EYS: variants seen among roughly 807,000 people sequenced by gnomAD.
EYS encodes EGF-like photoreceptor maintenance factor, also known as protein eyes shut homolog.
In EYS, 250 loss-of-function variants were observed where a neutral mutation model predicts 282.1. The observed-to-expected ratio is 0.89, with a 90% CI of 0.80 to 0.98. The LOEUF is 0.98. Ranked by LOEUF, EYS falls within the 50% of genes least tolerant of loss-of-function variation. The probability of loss-of-function intolerance (pLI) is 0.00; values close to 1 mark genes in which losing one functional copy is unlikely to be tolerated. For missense variants in EYS, 4,016 were observed against 3,709.0 expected, an observed-to-expected ratio of 1.08 and a Z score of -2.15; for synonymous variants, 1,355 against 1,282.9, an observed-to-expected ratio of 1.06 and a Z score of -1.20.
chr6:65,260,289 G>T (rs1247931640), intron 12 of EYS, among the ~76,000 whole-genome samples: 1 of 151,976 alleles, frequency 6.6e-6, no homozygotes, highest in Admixed American at 6.6e-5. Context: ...GGAATTATAA[G>T]AATTATAATT....
intron 35 of EYS, among the ~76,000 whole-genome samples, chr6:63,885,361 A>G (rs1308304146): frequency 6.6e-6 from 1 of 152,174 alleles, no homozygotes; most frequent in Non-Finnish European, 1.5e-5. Flanking sequence ...GCTTCATTTT[A>G]GGAAGAGAAC....
chr6:64,763,853 C>T (rs1202619552), intron 22 of EYS, among the ~76,000 whole-genome samples: 1 of 152,150 alleles, frequency 6.6e-6, no homozygotes, highest in Non-Finnish European at 1.5e-5. Context: ...GCTACAGGCC[C>T]ACCAAGTCCA....
At chr6:65,006,640 G>A (rs1771674062) in intron 13 of EYS, among the ~76,000 whole-genome samples, 2 of 152,176 alleles carry the variant, frequency 1.3e-5, no homozygotes, top group South Asian at 2.1e-4. Flanking sequence ...TCCTAATGGG[G>A]GATTTAAATC....
intron 21 of EYS, among the ~76,000 whole-genome samples, chr6:64,817,290 G>A (rs1157329687): frequency 6.6e-6 from 1 of 152,048 alleles, no homozygotes; most frequent in Non-Finnish European, 1.5e-5. Context: ...AGAACCTTTA[G>A]AGTCTGTGTT....
At chr6:65,416,398 A>C (rs1018744706) in intron 5 of EYS, among the ~76,000 whole-genome samples, 5 of 151,924 alleles carry the variant, frequency 3.3e-5, no homozygotes, top group Non-Finnish European at 7.4e-5. Flanking sequence ...ATCTCAAAAA[A>C]GTCTCTATCT....
intron 33 of EYS, among the ~76,000 whole-genome samples, chr6:64,007,821 T>G (rs947368590): frequency 1.3e-5 from 2 of 152,244 alleles, no homozygotes; most frequent in African/African-American, 4.8e-5. Context: ...TAGCATTGAT[T>G]TCTATTTTTA....
intron 24 of EYS, among the ~76,000 whole-genome samples, chr6:64,615,231 A>G (rs1767237487): frequency 6.6e-6 from 1 of 152,016 alleles, no homozygotes; most frequent in Non-Finnish European, 1.5e-5. Flanking sequence ...GACTCTCTCA[A>G]GTTTGATATC....
chr6:65,218,987 T>G (rs1442942439), intron 12 of EYS, among the ~76,000 whole-genome samples: 1 of 152,030 alleles, frequency 6.6e-6, no homozygotes, highest in Non-Finnish European at 1.5e-5. Flanking sequence ...AACTTCAGAA[T>G]GCTAATGAGA....
intron 8 of EYS, among the ~76,000 whole-genome samples, chr6:65,357,174 G>T (rs915255516): frequency 2.6e-5 from 4 of 151,894 alleles, no homozygotes; most frequent in Non-Finnish European, 4.4e-5. Flanking sequence ...CAACAGAAAA[G>T]CCTTCTGAGC....
chr6:65,291,183 A>T (rs1197138324), intron 12 of EYS, among the ~76,000 whole-genome samples: 3 of 151,572 alleles, frequency 2.0e-5, no homozygotes, highest in Non-Finnish European at 3.0e-5. Flanking sequence ...GCCTGTAAAA[A>T]TTTCACATTG....
intron 15 of EYS, among the ~76,000 whole-genome samples, chr6:64,920,280 A>T (rs1768297471): frequency 6.6e-6 from 1 of 152,166 alleles, no homozygotes; most frequent in Admixed American, 6.5e-5. Context: ...AAGATAGTTG[A>T]AGCTACTATT....
At chr6:64,143,917 A>G (rs1774428717) in intron 31 of EYS, among the ~76,000 whole-genome samples, 1 of 150,522 alleles carries the variant, frequency 6.6e-6, no homozygotes, top group Non-Finnish European at 1.5e-5. Context: ...TCATTGGGGT[A>G]TCCCCTTTTG....
chr6:64,150,503 G>A (rs771818294), intron 31 of EYS, among the ~76,000 whole-genome samples: 4 of 152,078 alleles, frequency 2.6e-5, no homozygotes, highest in Non-Finnish European at 5.9e-5. Context: ...AATGTACTAC[G>A]AAATATTTTT....
intron 2 of EYS, among the ~76,000 whole-genome samples, chr6:65,595,328 T>C (rs1392907942): frequency 6.6e-6 from 1 of 151,744 alleles, no homozygotes; most frequent in Non-Finnish European, 1.5e-5. Context: ...GTGTGGTAGG[T>C]GGACAGGGGA....
intron 2 of EYS, among the ~76,000 whole-genome samples, chr6:65,513,274 G>A (rs1455877390): frequency 6.6e-6 from 1 of 152,070 alleles, no homozygotes; most frequent in African/African-American, 2.4e-5. Context: ...CCAATAACAG[G>A]CTCTGAAATT....
At chr6:65,029,329 A>G (rs772876406) in intron 13 of EYS, among the ~76,000 whole-genome samples, 5 of 152,160 alleles carry the variant, frequency 3.3e-5, no homozygotes, top group Admixed American at 1.3e-4. Flanking sequence ...ACATACATAC[A>G]CATATGTATA....
intron 13 of EYS, among the ~76,000 whole-genome samples, chr6:65,001,695 A>G (rs1255399282): frequency 2.0e-5 from 3 of 147,752 alleles, no homozygotes; most frequent in Non-Finnish European, 4.5e-5. Context: ...TGTCTGTATT[A>G]CTATTAACTA....
intron 31 of EYS, among the ~76,000 whole-genome samples, chr6:64,090,092 C>T (rs1175413607): frequency 6.6e-6 from 1 of 152,082 alleles, no homozygotes; most frequent in Non-Finnish European, 1.5e-5. Flanking sequence ...GTTTAGCACA[C>T]CAACAAGATC....
At chr6:65,528,697 C>T (rs1283387516) in intron 2 of EYS, among the ~76,000 whole-genome samples, 9 of 152,168 alleles carry the variant, frequency 5.9e-5, no homozygotes, top group African/African-American at 1.2e-4. Context: ...TACCTAGTCT[C>T]GACTATTCTG....
Sources: gnomAD v4.1 joint callset for allele counts (sites outside exome capture counted in the v4.1 genomes callset) on GRCh38, gnomAD v4.1.1 for gene constraint, MANE v1.5 for transcripts, NCBI Gene and HGNC (gene_info 2026-07-23, HGNC 2026-07-21) for gene names.